Variants in PPHLN1 observed in about 807,000 individuals in gnomAD.
PPHLN1 encodes periphilin 1, also known as periphilin-1.
PPHLN1 carries 29 observed loss-of-function variants against 51.3 expected under a neutral mutation model. The ratio of observed to expected loss-of-function variants is 0.57; its 90% confidence interval spans 0.42 to 0.77. The LOEUF (loss-of-function observed/expected upper bound fraction) is 0.77. Among genes scored for constraint, PPHLN1 ranks in the 30% least tolerant of loss-of-function variants. The pLI, the probability that PPHLN1 is intolerant of heterozygous loss-of-function variation, is 0.00. For missense variants in PPHLN1, 436 were observed against 438.4 expected (o/e 0.99, Z 0.05); for synonymous variants, 147 against 147.8 (o/e 0.99, Z 0.04).
downstream of PPHLN1, chr12:42,446,230 A>G: frequency 6.2e-7 from 1 of 1,612,414 alleles, no homozygotes; most frequent in Non-Finnish European, 8.5e-7. Context: ...CACAGACACC[A>G]TTCACTCCAG....
chr12:42,418,094 C>G lies in PPHLN1; in HGVS notation c.909+19100C>G, dbSNP rs542182599. On this transcript the variant is annotated intron_variant, in intron 9 of 9. Coordinates refer to ENST00000358314, the MANE Select transcript of PPHLN1 (RefSeq NM_201439.2). Reference sequence around the variant, plus strand: ...AGCTGGGACTACAGGCCCCTGCCACCAAGCCCAGCTAATTTTTTGTATTTT... The same window carrying G: ...AGCTGGGACTACAGGCCCCTGCCACGAAGCCCAGCTAATTTTTTGTATTTT... 5.3e-5 allele frequency among the ~76,000 whole-genome samples: 8 copies of G among 151,182 alleles called. No individual in the cohort carries two copies. The South Asian group carries it at 1.7e-3, about 32-fold the overall frequency.
intron 2 of PPHLN1, among the ~76,000 whole-genome samples, chr12:42,345,656 A>G (rs1394822216): frequency 6.6e-6 from 1 of 151,060 alleles, no homozygotes; most frequent in East Asian, 1.9e-4. Context: ...TATTTTTAAT[A>G]AATAGAAGCA....
chr12:42,435,092 A>G (rs993861181), intron 9 of PPHLN1, among the ~76,000 whole-genome samples: 2 of 152,238 alleles, frequency 1.3e-5, no homozygotes, highest in African/African-American at 4.8e-5. Flanking sequence ...TTATATGTGG[A>G]ATTATTTCTT....
intron 9 of PPHLN1, among the ~76,000 whole-genome samples, chr12:42,410,778 T>C (rs1481871340): frequency 1.3e-5 from 2 of 152,224 alleles, no homozygotes; most frequent in Non-Finnish European, 2.9e-5. Context: ...ACACACAAGA[T>C]TGAGAGGATT....
intron 4 of PPHLN1, among the ~76,000 whole-genome samples, chr12:42,360,198 C>G (rs1443480643): frequency 6.6e-6 from 1 of 151,766 alleles, no homozygotes; most frequent in African/African-American, 2.4e-5. Context: ...AGAAATGTCC[C>G]CAGTAATGTG....
chr12:42,411,621 T>C (rs2079835134), intron 9 of PPHLN1, among the ~76,000 whole-genome samples: 1 of 152,068 alleles, frequency 6.6e-6, no homozygotes, highest in Admixed American at 6.5e-5. Flanking sequence ...ATAGGTTTTT[T>C]AGGCTGGGCG....
At chr12:42,367,020 C>T (rs2075338646) in intron 4 of PPHLN1, among the ~76,000 whole-genome samples, 1 of 152,136 alleles carries the variant, frequency 6.6e-6, no homozygotes, top group Admixed American at 6.5e-5. Context: ...CTTTTTTAGG[C>T]TCAGTTTCAC....
chr12:42,391,346 C>T (rs560848948), intron 7 of PPHLN1, among the ~76,000 whole-genome samples: 157 of 152,290 alleles, frequency 1.0e-3, no homozygotes, highest in African/African-American at 3.7e-3. Flanking sequence ...TCAAGCAATT[C>T]TCCTGCCTCA....
At chr12:42,385,839 G>A (rs939023942) in intron 6 of PPHLN1, among the ~76,000 whole-genome samples, 1 of 152,182 alleles carries the variant, frequency 6.6e-6, no homozygotes, top group Admixed American at 6.5e-5. Context: ...ATAAGCTATA[G>A]CACTTGTTCT....
chr12:42,441,380 A>C lies in PPHLN1; in HGVS notation c.975A>C (p.Ser325=), dbSNP rs143151229. 92 of 1,614,018 alleles carry C rather than the reference A, an allele frequency of 5.7e-5. No individual in the cohort carries two copies. In the African/African-American group the frequency reaches 1.0e-3, roughly 18 times the overall value. ...AAATGCTGATTGAAAAAGATCCTTC[A>C]TTAGAAAAGTCTATACAGTTTGCAT... ...VVKMLIEKDP[S]LEKSIQFALR... The change falls in exon 10 of 10, where the codon TCA becomes TCC. Residue 325 remains serine (S), a synonymous_variant. Transcript: ENST00000358314.
downstream of PPHLN1, chr12:42,445,083 C>T: frequency 1.4e-6 from 1 of 702,250 alleles, no homozygotes; most frequent in East Asian, 2.7e-5. Context: ...TACTCTCGAG[C>T]CGGCCCTGTG....
At position 42,435,999 on chromosome 12, in the gene PPHLN1, A is replaced by G. The variant is rs193094123; in HGVS notation, c.910-5316A>G. Among the ~76,000 whole-genome samples, 249 of 152,350 alleles carry G rather than the reference A, an allele frequency of 1.6e-3. 1 individual carries two copies. Among genetic ancestry groups the G allele is most frequent in the Non-Finnish European group, 8.2e-4 (56 of 68,032 alleles). On this transcript the variant is annotated intron_variant, in intron 9 of 9. Coordinates refer to ENST00000358314, the MANE Select transcript of PPHLN1 (RefSeq NM_201439.2). Reference sequence around the variant, plus strand: ...AATTAATTCTATTTCACTAATTAAAAATAAAATATAGTCACATATGGCTAG... The same window carrying G: ...AATTAATTCTATTTCACTAATTAAAGATAAAATATAGTCACATATGGCTAG...
At chr12:42,421,435 C>T (rs1005700318) in intron 9 of PPHLN1, among the ~76,000 whole-genome samples, 6 of 152,116 alleles carry the variant, frequency 3.9e-5, no homozygotes, top group South Asian at 2.1e-4. Flanking sequence ...CAACCTCCTG[C>T]TTCCCAGGTT....
chr12:42,328,775 T>C (rs2069192747), intron 1 of PPHLN1, among the ~76,000 whole-genome samples: 2 of 152,180 alleles, frequency 1.3e-5, no homozygotes, highest in African/African-American at 4.8e-5. Flanking sequence ...AGTGGCACGA[T>C]CATGGCTCAC....
intron 9 of PPHLN1, among the ~76,000 whole-genome samples, chr12:42,418,842 A>G (rs150244765): frequency 1.3e-5 from 2 of 152,298 alleles, no homozygotes; most frequent in East Asian, 3.9e-4. Context: ...GATAGGCACT[A>G]CATGTTTTTT....
At chr12:42,358,236 T>G (rs1287583918) in intron 4 of PPHLN1, among the ~76,000 whole-genome samples, 1 of 152,200 alleles carries the variant, frequency 6.6e-6, no homozygotes, top group African/African-American at 2.4e-5. Flanking sequence ...CTCTTTTTTA[T>G]AACATTTTGT....
At chr12:42,419,037 T>C (rs1415130704) in intron 9 of PPHLN1, among the ~76,000 whole-genome samples, 1 of 152,156 alleles carries the variant, frequency 6.6e-6, no homozygotes, top group Non-Finnish European at 1.5e-5. Flanking sequence ...AAATCATTAT[T>C]TGTCAGTTAA....
chr12:42,356,464 C>T (rs1224066629), intron 4 of PPHLN1, among the ~76,000 whole-genome samples: 2 of 152,160 alleles, frequency 1.3e-5, no homozygotes, highest in Non-Finnish European at 2.9e-5. Flanking sequence ...TGGGAGTGAC[C>T]TGCCATAGTA....
intron 1 of PPHLN1, among the ~76,000 whole-genome samples, chr12:42,335,520 A>T (rs540405515): frequency 6.6e-6 from 1 of 152,182 alleles, no homozygotes; most frequent in Admixed American, 6.5e-5. Context: ...CCGATCAGCC[A>T]TTTAAACGAT....
Sources: allele counts gnomAD v4.1 joint callset (sites outside exome capture counted in the v4.1 genomes callset), GRCh38; gene constraint gnomAD v4.1.1; transcripts MANE v1.5; gene names NCBI Gene and HGNC (gene_info 2026-07-23, HGNC 2026-07-21).